The following GABBR2 variants were observed in gnomAD, a reference collection of about 807,000 sequenced individuals.
GABBR2 encodes gamma-aminobutyric acid type B receptor subunit 2, also known as G-protein coupled receptor 51.
In GABBR2, 23 loss-of-function variants were observed where a neutral mutation model predicts 105.6. The observed-to-expected ratio is 0.22, with a 90% CI of 0.16 to 0.31. The LOEUF (loss-of-function observed/expected upper bound fraction) is 0.31. GABBR2 is among the 10% of genes least tolerant of loss of function. The pLI is 1.00. For missense variants in GABBR2, 734 were observed against 1,245.5 expected (o/e 0.59, Z 6.18); for synonymous variants, 478 against 499.7 (o/e 0.96, Z 0.58).
chr9:98,553,930 C>A (rs908127869), intron 2 of GABBR2, among the ~76,000 whole-genome samples: 2 of 152,216 alleles, frequency 1.3e-5, no homozygotes, highest in Non-Finnish European at 2.9e-5. Flanking sequence ...AACATATTTA[C>A]TTCTCTAGTC....
chr9:98,395,184 T>C (rs572967831), intron 8 of GABBR2, among the ~76,000 whole-genome samples: 1 of 152,164 alleles, frequency 6.6e-6, no homozygotes, highest in East Asian at 1.9e-4. Flanking sequence ...CCAGGTAAAA[T>C]CAGGACAACT....
intron 1 of GABBR2, among the ~76,000 whole-genome samples, chr9:98,705,809 G>T (rs1830884802): frequency 6.6e-6 from 1 of 152,204 alleles, no homozygotes; most frequent in Non-Finnish European, 1.5e-5. Flanking sequence ...GGGCACGGTG[G>T]CTCATGCCTG....
At chr9:98,297,890 G>GAC (rs1239679490) in intron 17 of GABBR2, among the ~76,000 whole-genome samples, 3 of 151,168 alleles carry the variant, frequency 2.0e-5, no homozygotes, top group Non-Finnish European at 2.9e-5. Flanking sequence ...TGGGTGTGGT[G>GAC]GTGGGCACCT....
At chr9:98,296,165 T>C (rs553023280) in intron 17 of GABBR2, among the ~76,000 whole-genome samples, 29 of 152,272 alleles carry the variant, frequency 1.9e-4, no homozygotes, top group Admixed American at 1.4e-3. Context: ...CCCGCATGGA[T>C]GAGGTTAGGG....
chr9:98,392,171 C>T (rs1456930426), intron 9 of GABBR2, among the ~76,000 whole-genome samples: 1 of 152,160 alleles, frequency 6.6e-6, no homozygotes. Flanking sequence ...AAAGGCAGGG[C>T]CTGGGCATCA....
At position 98,666,546 on chromosome 9, in the gene GABBR2, A is replaced by G. The variant is rs547886090; in HGVS notation, c.321+41871T>C. Among the ~76,000 whole-genome samples the G allele has an allele frequency of 2.0e-5, 3 of 152,212 alleles. No individual in the cohort carries two copies. The South Asian group carries it at 6.2e-4, about 32-fold the overall frequency. ...TGTGGTTAGTATGAGTGGATAACTG[A>G]ATTTTTATTTGTTTTTTCATAGACG... On this transcript the variant is annotated intron_variant, in intron 1 of 18. Transcript: ENST00000259455.
At chr9:98,470,217 C>A (rs1419982332) in intron 6 of GABBR2, among the ~76,000 whole-genome samples, 1 of 152,048 alleles carries the variant, frequency 6.6e-6, no homozygotes, top group African/African-American at 2.4e-5. Context: ...AAGGGAGAGT[C>A]AAAAAATCTT....
At chr9:98,660,725 T>C (rs892888914) in intron 1 of GABBR2, among the ~76,000 whole-genome samples, 3 of 152,182 alleles carry the variant, frequency 2.0e-5, no homozygotes, top group Admixed American at 6.5e-5. Flanking sequence ...TCCTTGCCTT[T>C]TTCAGCTTCT....
intron 7 of GABBR2, among the ~76,000 whole-genome samples, chr9:98,420,012 T>TA (rs1026595593): frequency 5.9e-5 from 9 of 152,010 alleles, no homozygotes; most frequent in Admixed American, 2.0e-4. Context: ...CATCAGGTTG[T>TA]ACGTAAGATG....
At chr9:98,371,859 C>T (rs1170840310) in intron 11 of GABBR2, among the ~76,000 whole-genome samples, 1 of 151,176 alleles carries the variant, frequency 6.6e-6, no homozygotes, top group African/African-American at 2.5e-5. Flanking sequence ...AGAGGGCCCC[C>T]AGGACTGCTG....
chr9:98,606,948 CCCGCGGCT>C (rs952191795), intron 1 of GABBR2: 1 of 717,520 alleles, frequency 1.4e-6, no homozygotes, highest in Non-Finnish European at 2.5e-6. Context: ...TTCCTGCTTG[CCCGCGGCT>C]CCGCCTGCAT....
At chr9:98,555,141 C>T (rs928542511) in intron 2 of GABBR2, among the ~76,000 whole-genome samples, 4 of 152,194 alleles carry the variant, frequency 2.6e-5, no homozygotes, top group Non-Finnish European at 5.9e-5. Flanking sequence ...TTAAAAGTTA[C>T]AAGAACTAAG....
chr9:98,509,008 G>A (rs1374997865), intron 3 of GABBR2, among the ~76,000 whole-genome samples: 1 of 152,204 alleles, frequency 6.6e-6, no homozygotes, highest in Non-Finnish European at 1.5e-5. Flanking sequence ...GCCTAACTGG[G>A]AGGCACACCC....
At chr9:98,698,780 G>C (rs1342893724) in intron 1 of GABBR2, among the ~76,000 whole-genome samples, 1 of 152,102 alleles carries the variant, frequency 6.6e-6, no homozygotes, top group Non-Finnish European at 1.5e-5. Flanking sequence ...TTACAGGCAT[G>C]AGCCACTGCA....
intron 3 of GABBR2, among the ~76,000 whole-genome samples, chr9:98,527,552 C>T (rs939780226): frequency 4.6e-5 from 7 of 152,008 alleles, no homozygotes; most frequent in African/African-American, 1.5e-4. Context: ...ATAGTTTTCT[C>T]ATATCCCACC....
At chr9:98,444,384 C>A (rs1031794727) in intron 7 of GABBR2, among the ~76,000 whole-genome samples, 2 of 151,972 alleles carry the variant, frequency 1.3e-5, no homozygotes, top group Non-Finnish European at 2.9e-5. Flanking sequence ...GGGGAGAGAC[C>A]TGACATAGGT....
chr9:98,705,751 T>G (rs776951940), intron 1 of GABBR2, among the ~76,000 whole-genome samples: 2 of 152,176 alleles, frequency 1.3e-5, no homozygotes, highest in Non-Finnish European at 2.9e-5. Flanking sequence ...ACTTTAAAGA[T>G]AAGGCCACTT....
chr9:98,596,819 C>G (rs977145036), intron 1 of GABBR2, among the ~76,000 whole-genome samples: 2 of 152,162 alleles, frequency 1.3e-5, no homozygotes, highest in Non-Finnish European at 2.9e-5. Flanking sequence ...TGCAAGACCC[C>G]CTCCCCTTAA....
chr9:98,598,354 CA>C (rs1227089229), intron 1 of GABBR2, among the ~76,000 whole-genome samples: 6 of 152,168 alleles, frequency 3.9e-5, no homozygotes, highest in Non-Finnish European at 5.9e-5. Context: ...TCATACGCCA[CA>C]CCCATTGCAT....
Sources: gnomAD v4.1 joint callset for allele counts (sites outside exome capture counted in the v4.1 genomes callset) on GRCh38, gnomAD v4.1.1 for gene constraint, MANE v1.5 for transcripts, NCBI Gene and HGNC (gene_info 2026-07-23, HGNC 2026-07-21) for gene names.